The following HUWE1 variants were observed in gnomAD, a reference collection of about 807,000 sequenced individuals.
HUWE1 encodes the protein HECT, UBA and WWE domain containing E3 ubiquitin protein ligase 1.
A neutral mutation model predicts 299.4 loss-of-function variants in HUWE1; 18 were observed. The observed-to-expected ratio is 0.06, with a 90% CI of 0.04 to 0.09. The LOEUF (loss-of-function observed/expected upper bound fraction) is 0.09, where lower values mean the gene tolerates loss of function less well. Ranked by LOEUF, HUWE1 falls within the 10% of genes least tolerant of loss-of-function variation. The pLI is 1.00. For synonymous variants in HUWE1, 1,317 were observed against 1,286.1 expected (o/e 1.02, Z -0.51); for missense variants, 1,832 against 3,462.3 (o/e 0.53, Z 11.82).
chrX:53,641,814 TAA>T (rs2067608525), intron 7 of HUWE1, among the ~76,000 whole-genome samples: 1 of 112,083 alleles, frequency 8.9e-6, no homozygotes, highest in Non-Finnish European at 1.9e-5. Context: ...TCTACTACAT[TAA>T]GTCTTCCCAT....
At chrX:53,654,359 C>A (rs2068646640) in intron 3 of HUWE1, among the ~76,000 whole-genome samples, 1 of 111,867 alleles carries the variant, frequency 8.9e-6, no homozygotes, top group East Asian at 2.8e-4. Flanking sequence ...AAGACTGAAA[C>A]CAAATCAGGT....
At chrX:53,601,801 T>G (rs1263744137) in intron 28 of HUWE1, among the ~76,000 whole-genome samples, 1 of 109,272 alleles carries the variant, frequency 9.2e-6, no homozygotes, top group Admixed American at 9.8e-5. Flanking sequence ...CCCGAGTAGC[T>G]GGGATTATAG....
At position 53,566,286 on chromosome X, in the gene HUWE1, T is replaced by G. The variant is rs148821218; in HGVS notation, c.6708-1047A>C. ...GAAGGGATAAGGTAAGCCTGGGATA[T>G]CTCATTGTGCCAAAAAGCTTTCAAA... On this transcript the variant is annotated intron_variant, in intron 49 of 83. Transcript: ENST00000262854. Among the ~76,000 whole-genome samples, 88 of 106,243 alleles carry G rather than the reference T, an allele frequency of 8.3e-4. 1 individual carries two copies. In the East Asian group the frequency reaches 0.021, roughly 25 times the overall value. The allele number at this position is 106,243 out of a possible 115,157, so 92.3% of individuals were successfully genotyped here. A position where few individuals can be genotyped will look rare whatever the true frequency, so the allele number is the denominator to read the frequency against.
At chrX:53,559,196 G>A in intron 57 of HUWE1, 136 bp from the exon 58 acceptor site, 1 of 767,926 alleles carries the variant, frequency 1.3e-6, no homozygotes, top group Non-Finnish European at 2.0e-6. Context: ...AGTACCTAGA[G>A]ACAATAAAGT....
At chrX:53,673,018 C>T (rs1445429227) in intron 3 of HUWE1, among the ~76,000 whole-genome samples, 1 of 111,805 alleles carries the variant, frequency 8.9e-6, no homozygotes, top group Non-Finnish European at 1.9e-5. Flanking sequence ...CGTTTTCAAA[C>T]AAGAGTTAAC....
Position 53,557,418 on chromosome X carries a change from A to G in HUWE1, c.8170T>C (p.Ser2724Pro), listed in dbSNP as rs945469958. The G allele has an allele frequency of 4.1e-6, 5 of 1,206,764 alleles. No homozygotes were observed. Among genetic ancestry groups the G allele is most frequent in the Non-Finnish European group, 5.6e-6 (5 of 892,112 alleles). The change falls in exon 60 of 84, where the codon TCT becomes CCT. Residue 2724 changes from serine to proline, a missense_variant. Physicochemically the swap from Ser to Pro is moderately conservative, Grantham distance 74. This residue lies in a region of HUWE1 where 143 missense variants were observed against 148.1 expected (regional missense o/e 0.97). Transcript: ENST00000262854. ...NRDQSAQCTA[S>P]KSNDSTEQNL... ...TGTTCAGTGGAGTCATTTGACTTAG[A>G]TGCAGTACACTGCAAAAAGAAGGGA...
At chrX:53,595,476 T>C in intron 29 of HUWE1, 73 bp from the exon 30 acceptor site, 16 of 828,887 alleles carry the variant, frequency 1.9e-5, no homozygotes, top group Non-Finnish European at 2.8e-5. Context: ...CATATTACCA[T>C]TAACATATTT....
intron 46 of HUWE1, among the ~76,000 whole-genome samples, 190 bp from the exon 47 acceptor site, chrX:53,574,154 C>T (rs1300727393): frequency 8.9e-6 from 1 of 112,449 alleles, no homozygotes; most frequent in African/African-American, 3.2e-5. Context: ...GGTTACAGTA[C>T]AACAGGGATG....
At position 53,651,068 on chromosome X, in the gene HUWE1, G is replaced by T. The variant is rs187282842; in HGVS notation, c.46-2758C>A. ...TGTCATTGGGATATTAATTTCTCCTGATTTAGCTACTGAAAATATTAACTA... is the reference window on the plus strand; with the variant it reads ...TGTCATTGGGATATTAATTTCTCCTTATTTAGCTACTGAAAATATTAACTA... On this transcript the variant is annotated intron_variant, in intron 4 of 83. Coordinates refer to ENST00000262854, the MANE Select transcript of HUWE1 (RefSeq NM_031407.7). 5.0e-4 allele frequency among the ~76,000 whole-genome samples: 55 copies of T among 110,986 alleles called. No homozygotes were observed. In the Admixed American group the frequency reaches 5.0e-3, roughly 10 times the overall value.
At chrX:53,662,228 C>G (rs1321236068) in intron 3 of HUWE1, among the ~76,000 whole-genome samples, 2 of 111,427 alleles carry the variant, frequency 1.8e-5, no homozygotes, top group Non-Finnish European at 3.8e-5. Flanking sequence ...TTGAGAAGCA[C>G]TAGATCAGAA....
At chrX:53,656,835 T>C (rs782587327) in intron 3 of HUWE1, among the ~76,000 whole-genome samples, 60 of 110,918 alleles carry the variant, frequency 5.4e-4, no homozygotes, top group African/African-American at 1.9e-3. Context: ...GTAGTACTGA[T>C]ATATATACAA....
intron 80 of HUWE1, 94 bp from the exon 81 acceptor site, chrX:53,535,595 T>C: frequency 3.3e-6 from 2 of 604,412 alleles, no homozygotes; most frequent in East Asian, 6.6e-5. Context: ...TGCCATGTCC[T>C]AGGCAGAGAG....
Position 53,648,847 on chromosome X carries a change from G to A in HUWE1, c.46-537C>T, listed in dbSNP as rs142648448. Among the ~76,000 whole-genome samples, 1,053 of 111,456 alleles carry A rather than the reference G, an allele frequency of 9.4e-3. 54 individuals are homozygous for A. Among genetic ancestry groups the A allele is most frequent in the Admixed American group, 0.086 (901 of 10,483 alleles). On this transcript the variant is annotated intron_variant, in intron 4 of 83. Transcript: ENST00000262854. ...AGATGGTAAACAGCTTCCGAACTTCGTAAAACTAGGACTCCATTCTTTCTT... is the reference window on the plus strand; with the variant it reads ...AGATGGTAAACAGCTTCCGAACTTCATAAAACTAGGACTCCATTCTTTCTT...
chrX:53,544,839 T>C, intron 71 of HUWE1, 77 bp from the exon 72 acceptor site: 1 of 971,738 alleles, frequency 1.0e-6, no homozygotes, highest in Non-Finnish European at 1.5e-6. Context: ...GGCTTCCTGG[T>C]GTCAACCAGA....
At chrX:53,644,369 T>C (rs973023009) in intron 7 of HUWE1, among the ~76,000 whole-genome samples, 1 of 112,155 alleles carries the variant, frequency 8.9e-6, no homozygotes, top group African/African-American at 3.2e-5. Flanking sequence ...TATTGAGTAA[T>C]AGTTCCTTTT....
chrX:53,550,598 T>C lies in HUWE1; in HGVS notation c.9488+68A>G, dbSNP rs1556927714. 6 of 1,005,689 alleles carry C rather than the reference T, an allele frequency of 6.0e-6. No homozygotes were observed. In the African/African-American group the frequency reaches 1.1e-4, roughly 19 times the overall value. The allele number at this position is 1,005,689 out of a possible 1,213,427, so 82.9% of individuals were successfully genotyped here. On this transcript the variant is annotated intron_variant, in intron 66 of 83. Coordinates refer to ENST00000262854, the MANE Select transcript of HUWE1 (RefSeq NM_031407.7). ...GTCAGGATTTCAGCTTCTCCACCTA[T>C]AAAACTAAGGGAGCTGGGCTAATAG...
intron 3 of HUWE1, among the ~76,000 whole-genome samples, chrX:53,672,793 CATT>C (rs1390844262): frequency 9.0e-6 from 1 of 111,628 alleles, no homozygotes; most frequent in African/African-American, 3.3e-5. Flanking sequence ...TAATGAATTA[CATT>C]TTAAAAAGAG....
chrX:53,598,839 G>C (rs990144677), intron 29 of HUWE1, among the ~76,000 whole-genome samples: 44 of 111,696 alleles, frequency 3.9e-4, no homozygotes, highest in Non-Finnish European at 7.5e-5. Flanking sequence ...TGTAAAAATA[G>C]GCTCTACTTG....
At chrX:53,547,377 C>G (rs984765224) in intron 68 of HUWE1, among the ~76,000 whole-genome samples, 1 of 111,749 alleles carries the variant, frequency 8.9e-6, no homozygotes, top group African/African-American at 3.3e-5. Context: ...TTTCCTCCTT[C>G]TGGTGCCTAG....
Sources: gnomAD v4.1 joint callset for allele counts (sites outside exome capture counted in the v4.1 genomes callset) on GRCh38, gnomAD v4.1.1 for gene constraint, gnomAD v4.1.1 regional missense constraint, MANE v1.5 for transcripts, NCBI Gene and HGNC (gene_info 2026-07-23, HGNC 2026-07-21) for gene names.